Variants in CMSS1 observed in about 807,000 individuals in gnomAD.
CMSS1 encodes the protein protein CMSS1.
CMSS1 carries 33 observed loss-of-function variants against 43.5 expected under a neutral mutation model. That is an observed-to-expected ratio of 0.76 (90% CI 0.57 to 1.01). The LOEUF is 1.01. Among genes scored for constraint, CMSS1 ranks in the 50% least tolerant of loss-of-function variants. The probability of loss-of-function intolerance (pLI) is 0.00; values close to 1 mark genes in which losing one functional copy is unlikely to be tolerated. For missense variants in CMSS1, 313 were observed against 326.4 expected (o/e 0.96, Z 0.32); for synonymous variants, 115 against 117.2 (o/e 0.98, Z 0.12).
At chr3:100,025,485 A>G (rs955537419) in intron 1 of CMSS1, 4 of 152,162 alleles carry the variant, frequency 2.6e-5, no homozygotes, top group African/African-American at 9.7e-5. Context: ...TAGGGTTAAA[A>G]TAGATAAATA....
At chr3:99,887,488 G>A (rs538066610) in intron 1 of CMSS1, among the ~76,000 whole-genome samples, 3 of 152,300 alleles carry the variant, frequency 2.0e-5, no homozygotes, top group South Asian at 4.1e-4. Flanking sequence ...TGACTGAGAG[G>A]TCACATAAGA....
intron 1 of CMSS1, among the ~76,000 whole-genome samples, chr3:99,943,829 G>A (rs756848572): frequency 3.0e-4 from 46 of 152,270 alleles, no homozygotes; most frequent in Non-Finnish European, 4.9e-4. Flanking sequence ...CTCTGGAGTC[G>A]GCCTGGCCGA....
At chr3:100,135,426 GTGTGTGTGTGCA>G (rs1318371235) in intron 1 of CMSS1, among the ~76,000 whole-genome samples, 2 of 148,908 alleles carry the variant, frequency 1.3e-5, no homozygotes, top group Admixed American at 6.8e-5. Flanking sequence ...AGGAGCCTTT[GTGTGTGTGTGCA>G]TGTGTGTGTG....
At chr3:99,823,536 T>C (rs1002012609) in intron 1 of CMSS1, among the ~76,000 whole-genome samples, 2 of 152,220 alleles carry the variant, frequency 1.3e-5, no homozygotes, top group Non-Finnish European at 2.9e-5. Context: ...CATATCCTGA[T>C]TCTTTCTTTG....
intron 1 of CMSS1, among the ~76,000 whole-genome samples, chr3:99,966,697 G>A (rs1458051157): frequency 2.6e-5 from 4 of 152,184 alleles, no homozygotes; most frequent in Non-Finnish European, 5.9e-5. Context: ...CTAGGTGGAT[G>A]AAAATAGAAT....
chr3:100,178,631 G>A lies in CMSS1; in HGVS notation c.*243G>A, dbSNP rs2067167183. ...CTTGTTGAGCGGACCGTGTTTTTCT[G>A]TCACCAACTGGCTTCTGATGTAACT... On this transcript the variant is annotated 3_prime_UTR_variant, in exon 10 of 10. Coordinates refer to ENST00000421999, the MANE Select transcript of CMSS1 (RefSeq NM_032359.4). 2 of 370,192 alleles carry A rather than the reference G, an allele frequency of 5.4e-6. No homozygotes were observed. The highest frequency in any genetic ancestry group is 9.6e-5 in the East Asian group (2 of 20,882). 22.9% of individuals were successfully genotyped at this position (370,192 alleles called of 1,614,324 possible).
intron 1 of CMSS1, chr3:99,833,063 C>T (rs1322236359): frequency 1.6e-6 from 1 of 640,218 alleles, no homozygotes; most frequent in Non-Finnish European, 2.8e-6. Context: ...AGTGAATGTT[C>T]TACTCAGAGT....
At position 99,817,933 on chromosome 3, in the gene CMSS1, T is replaced by C; in HGVS notation, c.-47T>C. Reference sequence around the variant, plus strand: ...TTGAGACAACGTGATTCTCCGCAGCTGGTCGCCTACCCGTGATGTTCTGCC... The same window carrying C: ...TTGAGACAACGTGATTCTCCGCAGCCGGTCGCCTACCCGTGATGTTCTGCC... On this transcript the variant is annotated 5_prime_UTR_variant, in exon 1 of 10. Coordinates refer to ENST00000421999, the MANE Select transcript of CMSS1 (RefSeq NM_032359.4). 6.3e-7 allele frequency: 1 copy of C among 1,596,586 alleles called. No homozygotes were observed. Among genetic ancestry groups the C allele is most frequent in the Non-Finnish European group, 8.6e-7 (1 of 1,164,796 alleles).
intron 1 of CMSS1, among the ~76,000 whole-genome samples, chr3:100,144,737 TA>T (rs1216934346): frequency 6.6e-6 from 1 of 152,222 alleles, no homozygotes; most frequent in Admixed American, 6.5e-5. Context: ...GTCATTTTGG[TA>T]AAGAGAGCAG....
At chr3:100,048,775 A>G (rs1255953456) in intron 1 of CMSS1, among the ~76,000 whole-genome samples, 1 of 152,190 alleles carries the variant, frequency 6.6e-6, no homozygotes. Flanking sequence ...TTTCCTAACT[A>G]GCCCTAGGTT....
At position 99,849,805 on chromosome 3, in the gene CMSS1, T is replaced by G. The variant is rs770688390; in HGVS notation, c.64+31762T>G. 6 of 1,612,908 alleles carry G rather than the reference T, an allele frequency of 3.7e-6. No individual in the cohort carries two copies. The South Asian group carries it at 6.6e-5, about 18-fold the overall frequency. ...CACTTCTTGAGAGAGCTCCTTAATC[T>G]TATTGTTTTCTTGGTGTAATGCTGT... On this transcript the variant is annotated intron_variant, in intron 1 of 9. Coordinates refer to ENST00000421999, the MANE Select transcript of CMSS1 (RefSeq NM_032359.4).
intron 1 of CMSS1, among the ~76,000 whole-genome samples, chr3:99,913,434 A>G (rs1559685857): frequency 6.6e-6 from 1 of 152,218 alleles, no homozygotes; most frequent in Non-Finnish European, 1.5e-5. Flanking sequence ...TGATTAACCT[A>G]TTTCTAAAGG....
Position 99,849,488 on chromosome 3 carries a change from T to C in CMSS1, c.64+31445T>C, listed in dbSNP as rs142569410. 1.4e-5 allele frequency: 22 copies of C among 1,613,516 alleles called. No homozygotes were observed. In the East Asian group the frequency reaches 4.2e-4, roughly 31 times the overall value. On this transcript the variant is annotated intron_variant, in intron 1 of 9. Transcript: ENST00000421999. Reference sequence around the variant, plus strand: ...TGACATATTAGGTCTTCAGTTGCCATGTATTCATGAATTTTCTCTTTTAAT... The same window carrying C: ...TGACATATTAGGTCTTCAGTTGCCACGTATTCATGAATTTTCTCTTTTAAT...
chr3:100,033,572 C>T (rs544017488), intron 1 of CMSS1, among the ~76,000 whole-genome samples: 126 of 152,128 alleles, frequency 8.3e-4, no homozygotes, highest in Non-Finnish European at 1.6e-3. Context: ...CATGTACTGC[C>T]CCTCAACTGC....
intron 1 of CMSS1, among the ~76,000 whole-genome samples, chr3:99,935,109 G>C (rs909139873): frequency 6.6e-6 from 1 of 152,054 alleles, no homozygotes; most frequent in South Asian, 2.1e-4. Context: ...AGAAAACAAA[G>C]ACATGAATTT....
At chr3:99,930,686 C>A in intron 1 of CMSS1, 2 of 1,413,374 alleles carry the variant, frequency 1.4e-6, no homozygotes, top group South Asian at 1.3e-5. Flanking sequence ...CCACAGATAT[C>A]TATTTCTGTG....
intron 1 of CMSS1, among the ~76,000 whole-genome samples, chr3:100,111,816 G>T (rs2066495918): frequency 6.6e-6 from 1 of 152,096 alleles, no homozygotes; most frequent in Non-Finnish European, 1.5e-5. Context: ...CTCAAAGAAG[G>T]CTCAAGTATT....
chr3:99,846,841 T>C (rs1943386844), intron 1 of CMSS1, among the ~76,000 whole-genome samples: 1 of 152,206 alleles, frequency 6.6e-6, no homozygotes, highest in Admixed American at 6.5e-5. Flanking sequence ...GGCAATAAAA[T>C]TAACCACACT....
chr3:99,998,836 TG>T (rs1239239511), intron 1 of CMSS1, among the ~76,000 whole-genome samples: 1 of 152,212 alleles, frequency 6.6e-6, no homozygotes, highest in African/African-American at 2.4e-5. Context: ...CCCAAAGTAA[TG>T]GGATTACAGG....
Sources: allele counts gnomAD v4.1 joint callset (sites outside exome capture counted in the v4.1 genomes callset), GRCh38; gene constraint gnomAD v4.1.1; transcripts MANE v1.5; gene names NCBI Gene and HGNC (gene_info 2026-07-23, HGNC 2026-07-21).